KCNJ1: variants seen among roughly 807,000 people sequenced by gnomAD.
KCNJ1 encodes potassium inwardly rectifying channel subfamily J member 1.
Under a neutral mutation model 21.9 loss-of-function variants are expected in KCNJ1, and 24 were observed. That is an observed-to-expected ratio of 1.10 (90% CI 0.79 to 1.54). KCNJ1 has a LOEUF of 1.54. KCNJ1 is among the 40% of genes most tolerant of loss of function. The pLI is 0.00. For missense variants in KCNJ1, 457 were observed against 455.4 expected (o/e 1.00, Z -0.03); for synonymous variants, 152 against 160.9 (o/e 0.94, Z 0.42).
intron 2 of KCNJ1, among the ~76,000 whole-genome samples, chr11:128,848,417 C>T (rs1483421347): frequency 3.3e-5 from 5 of 152,032 alleles, no homozygotes; most frequent in Admixed American, 3.3e-4. Context: ...GTCTTGAACT[C>T]CTGGCCTCAA....
intron 2 of KCNJ1, among the ~76,000 whole-genome samples, chr11:128,845,042 G>A (rs542609039): frequency 3.3e-5 from 5 of 152,254 alleles, no homozygotes; most frequent in Admixed American, 3.3e-4. Flanking sequence ...GAAGAAATTC[G>A]TTTCTATGAA....
chr11:128,842,418 G>T, intron 2 of KCNJ1: 1 of 1,613,748 alleles, frequency 6.2e-7, no homozygotes, highest in Non-Finnish European at 8.5e-7. Context: ...AAGCATTCAT[G>T]GCTGGAAAAA....
chr11:128,848,212 C>T (rs1388564144), intron 2 of KCNJ1, among the ~76,000 whole-genome samples: 6 of 143,280 alleles, frequency 4.2e-5, no homozygotes, highest in African/African-American at 1.0e-4. Context: ...GGTGTGAACC[C>T]GGGAGGCGGA....
intron 2 of KCNJ1, among the ~76,000 whole-genome samples, chr11:128,844,874 C>T (rs866804651): frequency 4.6e-5 from 7 of 152,052 alleles, no homozygotes; most frequent in African/African-American, 1.4e-4. Flanking sequence ...TTGCAGTCTG[C>T]CTTTCAGCCA....
At position 128,839,031 on chromosome 11, in the gene KCNJ1, T is replaced by C. The variant is rs1047620494; in HGVS notation, c.*94A>G. On this transcript the variant is annotated 3_prime_UTR_variant, in exon 3 of 3. Transcript: ENST00000392666. ...TGGTAGACTTTGAAGGCTCTCATCC[T>C]ACTTTCGTACCCCTAAATTGTTGAC... 3 of 1,144,782 alleles carry C rather than the reference T, an allele frequency of 2.6e-6. No individual in the cohort carries two copies. In the African/African-American group the frequency reaches 4.6e-5, roughly 17 times the overall value. The allele number at this position is 1,144,782 out of a possible 1,614,324, so 70.9% of individuals were successfully genotyped here.
At chr11:128,855,386 T>C (rs1392998070) in intron 1 of KCNJ1, among the ~76,000 whole-genome samples, 1 of 152,084 alleles carries the variant, frequency 6.6e-6, no homozygotes, top group Admixed American at 6.5e-5. Context: ...GGAAGCCCTC[T>C]AGGAATTGTG....
chr11:128,851,750 T>G (rs1943480606), intron 1 of KCNJ1, among the ~76,000 whole-genome samples: 1 of 152,222 alleles, frequency 6.6e-6, no homozygotes, highest in African/African-American at 2.4e-5. Context: ...CACTTTGTTT[T>G]AAAGAAAACA....
chr11:128,840,653 G>A (rs1000739852), intron 2 of KCNJ1, among the ~76,000 whole-genome samples: 1 of 152,054 alleles, frequency 6.6e-6, no homozygotes, highest in Non-Finnish European at 1.5e-5. Context: ...TTAGCCTTAT[G>A]TTAAGCAATA....
intron 1 of KCNJ1, among the ~76,000 whole-genome samples, chr11:128,858,799 G>A (rs1341855528): frequency 6.6e-6 from 1 of 152,188 alleles, no homozygotes; most frequent in Non-Finnish European, 1.5e-5. Flanking sequence ...AGTTCACAGA[G>A]CTAGAAGGTT....
intron 2 of KCNJ1, among the ~76,000 whole-genome samples, chr11:128,841,583 T>G (rs577426213): frequency 6.6e-6 from 1 of 152,184 alleles, no homozygotes; most frequent in South Asian, 2.1e-4. Flanking sequence ...TTTCATTAAA[T>G]GCAAATATGT....
At chr11:128,846,985 C>A (rs1478102283) in intron 2 of KCNJ1, among the ~76,000 whole-genome samples, 6 of 152,172 alleles carry the variant, frequency 3.9e-5, no homozygotes, top group Non-Finnish European at 8.8e-5. Context: ...ATTGTCCAAG[C>A]CACAAAATGG....
Position 128,839,739 on chromosome 11 carries a change from GT to G in KCNJ1, c.504del (p.Lys168AsnfsTer13), listed in dbSNP as rs769554073. The G allele has an allele frequency of 1.2e-6, 2 of 1,613,724 alleles. No homozygotes were observed. Among genetic ancestry groups the G allele is most frequent in the East Asian group, 2.2e-5 (1 of 44,880 alleles). ...TTGCTGAACGTAATGGTCTTGGCAC[GT>G]TTTTTGGGCCTGGAGATCTTGGCTA... ...AILAKISRPK[K>X]RAKTITFSKN... On this transcript the variant is annotated frameshift_variant, in exon 3 of 3. Transcript: ENST00000392666. LOFTEE classifies it high-confidence loss of function.
intron 2 of KCNJ1, among the ~76,000 whole-genome samples, chr11:128,841,584 G>T (rs1333808375): frequency 3.3e-5 from 5 of 152,126 alleles, no homozygotes. Flanking sequence ...TTCATTAAAT[G>T]CAAATATGTT....
intron 1 of KCNJ1, among the ~76,000 whole-genome samples, chr11:128,859,995 G>T (rs1943671135): frequency 6.6e-6 from 1 of 152,218 alleles, no homozygotes; most frequent in Non-Finnish European, 1.5e-5. Flanking sequence ...ACTCGCCTCC[G>T]CCGGGCCTCC....
chr11:128,847,496 G>A (rs1422918444), intron 2 of KCNJ1, among the ~76,000 whole-genome samples: 2 of 152,186 alleles, frequency 1.3e-5, no homozygotes, highest in Non-Finnish European at 2.9e-5. Context: ...ATGAAGAAGT[G>A]AAGAATCAAG....
At chr11:128,848,706 T>C (rs987629862) in intron 2 of KCNJ1, among the ~76,000 whole-genome samples, 4 of 152,198 alleles carry the variant, frequency 2.6e-5, no homozygotes, top group Non-Finnish European at 4.4e-5. Context: ...AGAAACTCAC[T>C]GCCACACAAT....
At chr11:128,853,200 C>T (rs913591656) in intron 1 of KCNJ1, among the ~76,000 whole-genome samples, 4 of 152,114 alleles carry the variant, frequency 2.6e-5, no homozygotes, top group South Asian at 2.1e-4. Flanking sequence ...CACATATCCA[C>T]GTAAAATGAG....
At position 128,854,931 on chromosome 11, in the gene KCNJ1, A is replaced by G. The variant is rs528324377; in HGVS notation, c.-191-4041T>C. ...CCTATGAAAAGAAACAAGGTGGTCT[A>G]GCTGGAGCGCACGTGCAGGCTCCCC... On this transcript the variant is annotated intron_variant, in intron 1 of 2. Transcript: ENST00000392666. Among the ~76,000 whole-genome samples, 4 of 152,306 alleles carry G rather than the reference A, an allele frequency of 2.6e-5. No homozygotes were observed. The East Asian group carries it at 7.7e-4, about 29-fold the overall frequency.
At chr11:128,844,480 A>G (rs1943344671) in intron 2 of KCNJ1, among the ~76,000 whole-genome samples, 1 of 152,260 alleles carries the variant, frequency 6.6e-6, no homozygotes, top group Non-Finnish European at 1.5e-5. Context: ...AGTCTCCTCC[A>G]TTTAACAGCC....
Sources: gnomAD v4.1 joint callset for allele counts (sites outside exome capture counted in the v4.1 genomes callset) on GRCh38, gnomAD v4.1.1 for gene constraint, MANE v1.5 for transcripts, NCBI Gene and HGNC (gene_info 2026-07-23, HGNC 2026-07-21) for gene names.